Variants in GRB14 observed in about 807,000 individuals in gnomAD.
GRB14 encodes growth factor receptor-bound protein 14.
In GRB14, 38 loss-of-function variants were observed where a neutral mutation model predicts 69.1. The observed-to-expected ratio is 0.55, with a 90% CI of 0.42 to 0.72. The LOEUF (loss-of-function observed/expected upper bound fraction) is 0.72, where lower values mean the gene tolerates loss of function less well. Among genes scored for constraint, GRB14 ranks in the 30% least tolerant of loss-of-function variants. The pLI is 0.00. For missense variants in GRB14, 666 were observed against 666.1 expected (o/e 1.00, Z 0.00); for synonymous variants, 247 against 241.3 (o/e 1.02, Z -0.22).
At position 164,601,593 on chromosome 2, in the gene GRB14, G is replaced by A. The variant is rs996430160; in HGVS notation, c.324+18094C>T. On this transcript the variant is annotated intron_variant, in intron 2 of 13. Coordinates refer to ENST00000263915, the MANE Select transcript of GRB14 (RefSeq NM_004490.3). ...GGCATAATCTGTATATTTAACCCTT[G>A]ATCTTTGACCCTGTGTTTTTCCATC... Among the ~76,000 whole-genome samples, 3 of 152,070 alleles carry A rather than the reference G, an allele frequency of 2.0e-5. No individual in the cohort carries two copies. The South Asian group carries it at 6.2e-4, about 31-fold the overall frequency.
intron 3 of GRB14, among the ~76,000 whole-genome samples, chr2:164,533,165 T>C (rs1157106336): frequency 1.3e-5 from 2 of 151,828 alleles, no homozygotes; most frequent in African/African-American, 4.8e-5. Context: ...ATTCTGTCTA[T>C]ATCAACTAAA....
At chr2:164,524,490 A>G (rs552527552) in intron 5 of GRB14, among the ~76,000 whole-genome samples, 1 of 152,244 alleles carries the variant, frequency 6.6e-6, no homozygotes, top group Non-Finnish European at 1.5e-5. Context: ...TTCAGCTAAG[A>G]ATATTTCACA....
At chr2:164,524,405 CT>C (rs1207630573) in intron 5 of GRB14, among the ~76,000 whole-genome samples, 2 of 152,056 alleles carry the variant, frequency 1.3e-5, no homozygotes, top group African/African-American at 2.4e-5. Context: ...TTTCAAGCCA[CT>C]GCCAGTTTGG....
chr2:164,499,624 A>T (rs1686998373), intron 9 of GRB14, among the ~76,000 whole-genome samples: 1 of 152,156 alleles, frequency 6.6e-6, no homozygotes, highest in Non-Finnish European at 1.5e-5. Flanking sequence ...AAAGGGGTCC[A>T]TGATTTTAAT....
chr2:164,496,685 A>AAAG (rs1385846117), intron 12 of GRB14, among the ~76,000 whole-genome samples: 1 of 152,232 alleles, frequency 6.6e-6, no homozygotes, highest in Non-Finnish European at 1.5e-5. Flanking sequence ...TGACACTTAA[A>AAAG]AAGAAGTTCA....
chr2:164,499,781 G>GT (rs1158427737), intron 9 of GRB14, among the ~76,000 whole-genome samples: 1 of 152,154 alleles, frequency 6.6e-6, no homozygotes, highest in Non-Finnish European at 1.5e-5. Context: ...GTGACAACCA[G>GT]TATCATCCCA....
intron 2 of GRB14, among the ~76,000 whole-genome samples, chr2:164,574,972 T>C (rs1689219073): frequency 1.3e-5 from 2 of 151,652 alleles, no homozygotes; most frequent in Non-Finnish European, 2.9e-5. Flanking sequence ...AGTCACATAG[T>C]TCCCCAGAGA....
At chr2:164,546,344 T>C (rs1688372529) in intron 3 of GRB14, among the ~76,000 whole-genome samples, 2 of 152,074 alleles carry the variant, frequency 1.3e-5, no homozygotes. Flanking sequence ...CGGAAGAAAA[T>C]CTTCACCATA....
At position 164,497,473 on chromosome 2, in the gene GRB14, A is replaced by G; in HGVS notation, c.1122T>C (p.Asn374=). ...CTGAGAAGTCCATTGCTACCAGGGA[A>G]TTCTCTGATATACTTCTCTGGAAAA... is the stretch of plus-strand genomic sequence containing the variant. ...SISPMRSISE[N]SLVAMDFSGQ... Residue 374 remains asparagine, a synonymous_variant, in exon 10 of 14, where the codon AAT becomes AAC. Transcript: ENST00000263915. 1 of 1,602,390 alleles carries G rather than the reference A, an allele frequency of 6.2e-7. No homozygotes were observed. Among genetic ancestry groups the G allele is most frequent in the South Asian group, 1.1e-5 (1 of 90,394 alleles).
At chr2:164,557,947 G>A (rs1240161067) in intron 2 of GRB14, among the ~76,000 whole-genome samples, 2 of 152,040 alleles carry the variant, frequency 1.3e-5, no homozygotes, top group Non-Finnish European at 2.9e-5. Flanking sequence ...TTCCCATCCA[G>A]CAACAGGCTA....
chr2:164,597,807 G>A (rs1305292861), intron 2 of GRB14, among the ~76,000 whole-genome samples: 2 of 151,958 alleles, frequency 1.3e-5, no homozygotes, highest in Non-Finnish European at 2.9e-5. Context: ...TTAGAAACAG[G>A]AACATAGGGA....
rs760779704 is a variant in GRB14 at position 164,496,995 on chromosome 2, A to T, written c.1382+13T>A. 4.4e-6 allele frequency: 7 copies of T among 1,606,794 alleles called. No homozygotes were observed. The highest frequency in any genetic ancestry group is 6.0e-6 in the Non-Finnish European group (7 of 1,173,700). ...AATTCACAAGTACTCAAAATTAAAAATACCAAACTTACCCATCCACAAGTC... is the reference window on the plus strand; with the variant it reads ...AATTCACAAGTACTCAAAATTAAAATTACCAAACTTACCCATCCACAAGTC... On this transcript the variant is annotated intron_variant, in intron 12 of 13. Coordinates refer to ENST00000263915, the MANE Select transcript of GRB14 (RefSeq NM_004490.3).
intron 2 of GRB14, among the ~76,000 whole-genome samples, chr2:164,574,405 C>T (rs1239799522): frequency 1.3e-5 from 2 of 151,906 alleles, no homozygotes; most frequent in Admixed American, 1.3e-4. Context: ...CCATGCCCAG[C>T]TAATTTTTGT....
intron 2 of GRB14, among the ~76,000 whole-genome samples, chr2:164,612,021 G>T (rs1405153939): frequency 1.3e-5 from 2 of 152,076 alleles, no homozygotes; most frequent in Non-Finnish European, 2.9e-5. Context: ...GTACAGAAAG[G>T]GTGAGCAATG....
rs551244035 is a variant in GRB14, at chr2:164,538,177, A to G, written c.481+9483T>C. Among the ~76,000 whole-genome samples, 5 of 152,296 alleles carry G rather than the reference A, an allele frequency of 3.3e-5. No individual in the cohort carries two copies. In the East Asian group the frequency reaches 9.6e-4, roughly 29 times the overall value. On this transcript the variant is annotated intron_variant, in intron 3 of 13. Transcript: ENST00000263915. ...TTTTGCTTATTAAAGCCACTCCACAATGATATTCACAATGGAAATCTCAGC... is the reference window on the plus strand; with the variant it reads ...TTTTGCTTATTAAAGCCACTCCACAGTGATATTCACAATGGAAATCTCAGC...
chr2:164,568,440 T>A (rs934691382), intron 2 of GRB14: 1 of 1,241,498 alleles, frequency 8.1e-7, no homozygotes, highest in African/African-American at 1.6e-5. Flanking sequence ...AAATCTTTTA[T>A]GGTTACTCCT....
intron 2 of GRB14, among the ~76,000 whole-genome samples, chr2:164,588,948 T>A (rs1337376255): frequency 6.6e-6 from 1 of 152,220 alleles, no homozygotes; most frequent in Non-Finnish European, 1.5e-5. Flanking sequence ...TTTATTAAAA[T>A]TCCCAATTCG....
intron 2 of GRB14, among the ~76,000 whole-genome samples, chr2:164,595,561 A>G (rs1218609516): frequency 6.6e-6 from 1 of 152,200 alleles, no homozygotes; most frequent in Non-Finnish European, 1.5e-5. Flanking sequence ...GAAGGCTATC[A>G]GGAGTCAGAT....
chr2:164,582,500 C>T (rs991780396), intron 2 of GRB14, among the ~76,000 whole-genome samples: 19 of 151,588 alleles, frequency 1.3e-4, no homozygotes, highest in African/African-American at 4.1e-4. Context: ...CGGCTCACTG[C>T]AGCCTCTGCC....
Sources: gnomAD v4.1 joint callset for allele counts (sites outside exome capture counted in the v4.1 genomes callset) on GRCh38, gnomAD v4.1.1 for gene constraint, MANE v1.5 for transcripts, NCBI Gene and HGNC (gene_info 2026-07-23, HGNC 2026-07-21) for gene names.